The following FOXP1 variants were observed in gnomAD, a reference collection of about 807,000 sequenced individuals.
FOXP1 encodes the protein forkhead box protein P1.
FOXP1 carries 15 observed loss-of-function variants against 98.2 expected under a neutral mutation model. The ratio of observed to expected loss-of-function variants is 0.15; its 90% CI spans 0.10 to 0.24. The LOEUF is 0.24. Among genes scored for constraint, FOXP1 ranks in the 10% least tolerant of loss-of-function variants. The pLI, the probability that FOXP1 is intolerant of heterozygous loss-of-function variation, is 1.00. For synonymous variants in FOXP1, 371 were observed against 314.5 expected, an observed-to-expected ratio of 1.18 and a Z score of -1.90; for missense variants, 633 against 848.5, an observed-to-expected ratio of 0.75 and a Z score of 3.15.
chr3:71,345,871 T>TAAAAAAAA lies in FOXP1; in HGVS notation c.-73+13271_-73+13278dup, dbSNP rs71120316. Among the ~76,000 whole-genome samples the TAAAAAAAA allele has an allele frequency of 5.8e-4, 32 of 55,092 alleles. 4 individuals are homozygous for TAAAAAAAA. The highest frequency in any genetic ancestry group is 1.9e-3 in the East Asian group (3 of 1,550). 36.1% of individuals were successfully genotyped at this position (55,092 alleles called of 152,430 possible). ...AGGTTTGAAATCAATAAAGTTTTTG[T>TAAAAAAAA]AAAAAAAAAAAAAAAAAAAAAAAAA... On this transcript the variant is annotated intron_variant, in intron 4 of 20. Coordinates refer to ENST00000649528, the MANE Select transcript of FOXP1 (RefSeq NM_001349338.3).
chr3:71,160,467 C>G (rs2061079902), intron 6 of FOXP1, among the ~76,000 whole-genome samples: 1 of 152,154 alleles, frequency 6.6e-6, no homozygotes, highest in Non-Finnish European at 1.5e-5. Context: ...TGCTGATAAT[C>G]TTGTGAAAAT....
At position 71,183,339 on chromosome 3, in the gene FOXP1, C is replaced by CA. The variant is rs992321726; in HGVS notation, c.180+14862dup. 5.3e-5 allele frequency among the ~76,000 whole-genome samples: 8 copies of CA among 151,836 alleles called. No homozygotes were observed. The South Asian group carries it at 8.3e-4, about 16-fold the overall frequency. On this transcript the variant is annotated intron_variant, in intron 6 of 20. Transcript: ENST00000649528. ...TGAAAACCTGTCTCTACTAAAAATA[C>CA]AAAAAAACATTAGCTGGGCAATAGT...
chr3:71,081,735 C>T (rs2054443452), intron 7 of FOXP1, among the ~76,000 whole-genome samples: 1 of 152,178 alleles, frequency 6.6e-6, no homozygotes. Flanking sequence ...TCACCAAAGG[C>T]ACAAGACAAG....
At chr3:71,353,012 G>A (rs1452556902) in intron 4 of FOXP1, among the ~76,000 whole-genome samples, 1 of 152,138 alleles carries the variant, frequency 6.6e-6, no homozygotes, top group African/African-American at 2.4e-5. Context: ...AATGACTGGG[G>A]ACAGATGTGG....
At chr3:71,364,102 G>A (rs1169118404) in intron 3 of FOXP1, among the ~76,000 whole-genome samples, 2 of 152,148 alleles carry the variant, frequency 1.3e-5, no homozygotes, top group Non-Finnish European at 1.5e-5. Context: ...CTACAGGCGC[G>A]TGCCATCACA....
At position 71,174,826 on chromosome 3, in the gene FOXP1, A is replaced by ACACC. The variant is rs1050762895; in HGVS notation, c.180+23375_180+23376insGGTG. 7.8e-3 allele frequency among the ~76,000 whole-genome samples: 1,145 copies of ACACC among 147,228 alleles called. 12 individuals are homozygous for ACACC. The highest frequency in any genetic ancestry group is 0.025 in the African/African-American group (993 of 39,130). On this transcript the variant is annotated intron_variant, in intron 6 of 20. Transcript: ENST00000649528. ...CACACACACACACACACACACACAC[A>ACACC]CCCCAATATACCCCAGGGTAGGAAG... is the stretch of plus-strand genomic sequence containing the variant.
chr3:71,149,612 G>A (rs1244795844), intron 6 of FOXP1, among the ~76,000 whole-genome samples: 1 of 152,008 alleles, frequency 6.6e-6, no homozygotes, highest in Non-Finnish European at 1.5e-5. Flanking sequence ...AATAAGCTCA[G>A]TATTATTTTG....
chr3:71,467,434 C>T (rs1353854292), intron 3 of FOXP1, among the ~76,000 whole-genome samples: 1 of 152,076 alleles, frequency 6.6e-6, no homozygotes, highest in African/African-American at 2.4e-5. Flanking sequence ...CAAATGGAAT[C>T]TCCCCAAAAA....
intron 5 of FOXP1, among the ~76,000 whole-genome samples, chr3:71,263,071 G>C (rs1380620487): frequency 6.6e-6 from 1 of 152,168 alleles, no homozygotes; most frequent in East Asian, 1.9e-4. Context: ...TTCAAATCAG[G>C]AGTAGCTCAG....
intron 5 of FOXP1, among the ~76,000 whole-genome samples, chr3:71,243,325 T>G (rs2067444822): frequency 6.6e-6 from 1 of 152,200 alleles, no homozygotes; most frequent in African/African-American, 2.4e-5. Context: ...GAGCTTCACC[T>G]TGACAGGGCT....
intron 7 of FOXP1, among the ~76,000 whole-genome samples, chr3:71,080,659 C>T (rs1269480020): frequency 1.3e-5 from 2 of 152,198 alleles, no homozygotes; most frequent in Non-Finnish European, 2.9e-5. Context: ...TTTGACACAT[C>T]CTACCACACT....
At position 71,260,687 on chromosome 3, in the gene FOXP1, C is replaced by T. The variant is rs934545181; in HGVS notation, c.-12+39133G>A. On this transcript the variant is annotated intron_variant, in intron 5 of 20. Transcript: ENST00000649528. ...CCTTCCAAGTAGCTGAGACTACAGGCGCACGTCACCATGCCTGGCTAATTT... is the reference window on the plus strand; with the variant it reads ...CCTTCCAAGTAGCTGAGACTACAGGTGCACGTCACCATGCCTGGCTAATTT... 1.2e-4 allele frequency among the ~76,000 whole-genome samples: 18 copies of T among 151,986 alleles called. No homozygotes were observed. In the South Asian group the frequency reaches 2.7e-3, roughly 23 times the overall value.
rs1413171367 is a variant in FOXP1, at chr3:70,965,994, C to G, written c.1785G>C (p.Leu595=). The G allele has an allele frequency of 3.7e-6, 6 of 1,613,978 alleles. No homozygotes were observed. The highest frequency in any genetic ancestry group is 5.1e-6 in the Non-Finnish European group (6 of 1,180,026). Residue 595 remains leucine (L), a synonymous_variant, in exon 20 of 21, where the codon CTG becomes CTC. Transcript: ENST00000649528. ...CCCGTATTGCGCTGGCTAAGTTGCC[C>G]AGAGTGGGATTTCCCATGGAAGCGG... ...YTTASMGNPT[L]GNLASAIREE...
intron 2 of FOXP1, among the ~76,000 whole-genome samples, chr3:71,513,193 C>G (rs972103321): frequency 7.2e-5 from 11 of 152,120 alleles, no homozygotes; most frequent in Non-Finnish European, 4.4e-5. Flanking sequence ...TTGATTTACC[C>G]TCTCAAGCAG....
intron 7 of FOXP1, 112 bp from the exon 8 acceptor site, chr3:71,053,885 T>A: frequency 9.2e-7 from 1 of 1,090,028 alleles, no homozygotes; most frequent in East Asian, 2.5e-5. Flanking sequence ...CAATTTCCCA[T>A]GCAACATGTA....
At position 71,112,544 on chromosome 3, in the gene FOXP1, C is replaced by A; in HGVS notation, c.274G>T (p.Ala92Ser). The stretch of plus-strand genomic sequence containing the variant: ...AGAAAAAGAATTGTTACCTGAAGAG[C>A]TGGTTGTTTGTCATTCCTCTTGGGA... ...KSPKRNDKQP[A>S]LQVPVSVAMM... The change falls in exon 7 of 21, where the codon GCT (alanine) becomes TCT (serine). Residue 92 changes from alanine to serine, a missense_variant. Ala to Ser is a moderately conservative substitution (Grantham distance 99, BLOSUM62 1). Transcript: ENST00000649528. The A allele has an allele frequency of 6.2e-7, 1 of 1,611,994 alleles. No homozygotes were observed.
At chr3:71,059,232 T>C (rs1210934104) in intron 7 of FOXP1, among the ~76,000 whole-genome samples, 9 of 152,206 alleles carry the variant, frequency 5.9e-5, no homozygotes, top group African/African-American at 2.2e-4. Flanking sequence ...AAGGCTCGCC[T>C]GCCAATCAGG....
At chr3:71,205,253 T>C (rs2063948429) in intron 5 of FOXP1, among the ~76,000 whole-genome samples, 1 of 152,186 alleles carries the variant, frequency 6.6e-6, no homozygotes, top group Non-Finnish European at 1.5e-5. Flanking sequence ...TACTTTCTCA[T>C]TAATTTTCTT....
chr3:71,503,869 C>T (rs2041608703), intron 2 of FOXP1, among the ~76,000 whole-genome samples: 2 of 152,144 alleles, frequency 1.3e-5, no homozygotes, highest in African/African-American at 4.8e-5. Context: ...ATTAGGGGGT[C>T]AGGAGAAGGA....
Sources: gnomAD v4.1 joint callset for allele counts (sites outside exome capture counted in the v4.1 genomes callset) on GRCh38, gnomAD v4.1.1 for gene constraint, MANE v1.5 for transcripts, NCBI Gene and HGNC (gene_info 2026-07-23, HGNC 2026-07-21) for gene names.